The following CAPN2 variants were observed in gnomAD, a reference collection of about 807,000 sequenced individuals.
CAPN2 encodes the protein calpain 2.
CAPN2 carries 92 observed loss-of-function variants against 102.3 expected under a neutral mutation model. The observed-to-expected ratio is 0.90, with a 90% CI of 0.76 to 1.07. The LOEUF is 1.07. Among genes scored for constraint, CAPN2 ranks in the 50% least tolerant of loss-of-function variants. CAPN2 has a pLI of 0.00. For missense variants in CAPN2, 800 were observed against 909.4 expected (o/e 0.88, Z 1.55); for synonymous variants, 340 against 355.4 (o/e 0.96, Z 0.49).
rs1153962 is a variant in CAPN2 at position 223,754,516 on chromosome 1, C to T, written c.1136-964C>T. Among the ~76,000 whole-genome samples, 3,139 of 152,332 alleles carry T rather than the reference C, an allele frequency of 0.021. 110 individuals carry two copies. Among genetic ancestry groups the T allele is most frequent in the African/African-American group, 0.072 (2,980 of 41,560 alleles). ...TGGCCGTGGCTACGTTCCAATAAAACGTTATTTACAAAAACAGGCAGCGGC... is the reference window on the plus strand; with the variant it reads ...TGGCCGTGGCTACGTTCCAATAAAATGTTATTTACAAAAACAGGCAGCGGC... On this transcript the variant is annotated intron_variant, in intron 9 of 20. Coordinates refer to ENST00000295006, the MANE Select transcript of CAPN2 (RefSeq NM_001748.5). The surrounding 1 kb of genome is among the most constrained non-coding windows in gnomAD (Gnocchi z 4.7).
chr1:223,741,420 T>G (rs1382495097), intron 2 of CAPN2, among the ~76,000 whole-genome samples: 2 of 104,240 alleles, frequency 1.9e-5, no homozygotes, highest in Non-Finnish European at 3.3e-5. Context: ...GGCTGTAAAA[T>G]GTATATATAT....
Position 223,766,434 on chromosome 1 carries a change from A to G in CAPN2, c.1755+3A>G, listed in dbSNP as rs1383955234. 1 of 1,606,702 alleles carries G rather than the reference A, an allele frequency of 6.2e-7. No homozygotes were observed. Among genetic ancestry groups the G allele is most frequent in the Non-Finnish European group, 8.5e-7 (1 of 1,173,290 alleles). On this transcript the variant is annotated splice_donor_region_variant and intron_variant, in intron 16 of 20. Coordinates refer to ENST00000295006, the MANE Select transcript of CAPN2 (RefSeq NM_001748.5). ...AAATTATGGTTGACATGCTAGATGT[A>G]TCCTTTAATGTGCTCCAGGGAATAG...
At chr1:223,712,970 CG>C in intron 1 of CAPN2, 93 bp downstream of exon 1, 1 of 946,632 alleles carries the variant, frequency 1.1e-6, no homozygotes, top group African/African-American at 1.7e-5. Context: ...GGGGGCAGCC[CG>C]GGTGCTGCAG....
In CAPN2 at chr1:223,755,334, C is replaced by A; in HGVS notation, c.1136-146C>A. On this transcript the variant is annotated intron_variant, in intron 9 of 20. Transcript: ENST00000295006. The surrounding 1 kb of genome is among the most constrained non-coding windows in gnomAD (Gnocchi z 4.1). ...CTCTGCCATCTCCCACCATCCCCCA[C>A]CACCTCTTACCATCTCCCACCACCT... 1 of 717,022 alleles carries A rather than the reference C, an allele frequency of 1.4e-6. No homozygotes were observed. The allele number at this position is 717,022 out of a possible 1,614,324, so 44.4% of individuals were successfully genotyped here.
intron 12 of CAPN2, among the ~76,000 whole-genome samples, chr1:223,761,057 T>C (rs1153956): frequency 0.32 from 49,306 of 152,110 alleles, 11,379 homozygotes; most frequent in African/African-American, 0.66. Context: ...CACAGGCCTC[T>C]GCACTGCCCA....
intron 2 of CAPN2, among the ~76,000 whole-genome samples, chr1:223,719,263 G>T (rs542224200): frequency 2.0e-5 from 3 of 152,146 alleles, no homozygotes; most frequent in African/African-American, 7.2e-5. Context: ...AACAGCCGGC[G>T]CAGTGGCTCA....
chr1:223,732,411 AG>A (rs1660359941), intron 2 of CAPN2, among the ~76,000 whole-genome samples: 1 of 152,218 alleles, frequency 6.6e-6, no homozygotes. Context: ...ATGCTAAACA[AG>A]GGGTGGATTA....
intron 2 of CAPN2, among the ~76,000 whole-genome samples, chr1:223,742,360 C>A (rs560718022): frequency 3.9e-5 from 6 of 151,962 alleles, no homozygotes; most frequent in African/African-American, 1.4e-4. Context: ...CCATTGCACT[C>A]CAGCCTGGGT....
rs993373310 is a variant in CAPN2, at chr1:223,754,800, C to T, written c.1136-680C>T. Among the ~76,000 whole-genome samples the T allele has an allele frequency of 3.3e-5, 5 of 152,130 alleles. No individual in the cohort carries two copies. Among genetic ancestry groups the T allele is most frequent in the African/African-American group, 1.2e-4 (5 of 41,424 alleles). On this transcript the variant is annotated intron_variant, in intron 9 of 20. Transcript: ENST00000295006. This position sits in a 1 kb window ranked among gnomAD's most constrained non-coding sequence, Gnocchi z 4.7. ...TTATACACAGGATGTTCTTGGCCTC[C>T]GGGCTCACCGAGGGGGCGGCGACCG...
chr1:223,769,436 T>C (rs28370164), intron 16 of CAPN2, among the ~76,000 whole-genome samples: 8,287 of 152,174 alleles, frequency 0.054, 278 homozygotes, highest in East Asian at 0.079. Flanking sequence ...TGTGAAGTTT[T>C]ATCTAGTGGA....
chr1:223,753,127 C>G (rs1037598788), intron 9 of CAPN2, among the ~76,000 whole-genome samples, 171 bp downstream of exon 9: 1 of 147,680 alleles, frequency 6.8e-6, no homozygotes, highest in Admixed American at 6.7e-5. Flanking sequence ...TTTCCCTGAG[C>G]CTTTTCTCCC....
Position 223,726,339 on chromosome 1 carries a change from C to G in CAPN2, c.307+8508C>G, listed in dbSNP as rs1207583080. On this transcript the variant is annotated intron_variant, in intron 2 of 20. Transcript: ENST00000295006. This position sits in a 1 kb window ranked among gnomAD's most constrained non-coding sequence, Gnocchi z 4.4. The stretch of plus-strand genomic sequence containing the variant: ...TTGCCTGCGCCTGGGGGGAGGGCAG[C>G]CATCAGGAAGGAGCAGCCACCTCTG... 6.6e-6 allele frequency among the ~76,000 whole-genome samples: 1 copy of G among 152,088 alleles called. No homozygotes were observed. Among genetic ancestry groups the G allele is most frequent in the Non-Finnish European group, 1.5e-5 (1 of 68,012 alleles).
chr1:223,722,281 C>CTTTTTT (rs34894876), intron 2 of CAPN2, among the ~76,000 whole-genome samples: 99 of 85,450 alleles, frequency 1.2e-3, no homozygotes, highest in Non-Finnish European at 1.3e-3. Flanking sequence ...TTCTTTCTTT[C>CTTTTTT]TTTTTTTTTT....
Position 223,759,546 on chromosome 1 carries a change from G to C in CAPN2, c.1529+65G>C. 1 of 1,357,086 alleles carries C rather than the reference G, an allele frequency of 7.4e-7. No individual in the cohort carries two copies. Among genetic ancestry groups the C allele is most frequent in the Non-Finnish European group, 1.0e-6 (1 of 961,874 alleles). The allele number at this position is 1,357,086 out of a possible 1,614,324, so 84.1% of individuals were successfully genotyped here. A position where few individuals can be genotyped will look rare whatever the true frequency, so the allele number is the denominator to read the frequency against. ...TCCCTCCCCACTGGTCTGTTCCTCGGCCCCTAGAGGGCTCTTTCATCCTCT... is the reference window on the plus strand; with the variant it reads ...TCCCTCCCCACTGGTCTGTTCCTCGCCCCCTAGAGGGCTCTTTCATCCTCT... On this transcript the variant is annotated intron_variant, in intron 12 of 20. Transcript: ENST00000295006. This position sits in a 1 kb window ranked among gnomAD's most constrained non-coding sequence, Gnocchi z 4.6.
chr1:223,705,074 C>T (rs918043058), intron 1 of CAPN2, among the ~76,000 whole-genome samples: 3 of 152,214 alleles, frequency 2.0e-5, no homozygotes, highest in African/African-American at 4.8e-5. Context: ...GCTTCCTGCC[C>T]CTCGGCCAAC....
intron 15 of CAPN2, among the ~76,000 whole-genome samples, chr1:223,764,803 G>A (rs1014238354): frequency 6.6e-6 from 1 of 152,196 alleles, no homozygotes; most frequent in African/African-American, 2.4e-5. Context: ...GGCCAGGCTG[G>A]TCTTGAACCC....
At position 223,775,018 on chromosome 1, in the gene CAPN2, C is replaced by CAGA. The variant is rs1661578101; in HGVS notation, c.*164_*166dup. On this transcript the variant is annotated 3_prime_UTR_variant, in exon 21 of 21. Coordinates refer to ENST00000295006, the MANE Select transcript of CAPN2 (RefSeq NM_001748.5). Reference sequence around the variant, plus strand: ...TAATGATACTGTCAATTTGAGATAGCAGAAGTTTCACACATCAAAGTAAAA... The same window carrying CAGA: ...TAATGATACTGTCAATTTGAGATAGCAGAAGAAGTTTCACACATCAAAGTAAAA... 1 of 656,092 alleles carries CAGA rather than the reference C, an allele frequency of 1.5e-6. No homozygotes were observed. The highest frequency in any genetic ancestry group is 2.8e-5 in the Admixed American group (1 of 35,518). 40.6% of individuals were successfully genotyped at this position (656,092 alleles called of 1,614,324 possible).
chr1:223,766,274 G>A (rs1055369723), intron 15 of CAPN2, 93 bp from the exon 16 acceptor site: 3 of 922,006 alleles, frequency 3.3e-6, no homozygotes, highest in African/African-American at 3.2e-5. Context: ...GTATGTGAAG[G>A]GCACAGATAA....
chr1:223,761,788 G>T, intron 13 of CAPN2, 171 bp downstream of exon 13: 2 of 599,158 alleles, frequency 3.3e-6, no homozygotes. Context: ...TGGCCTCTGT[G>T]CTGGGGGCAT....
Sources: gnomAD v4.1 joint callset for allele counts (sites outside exome capture counted in the v4.1 genomes callset) on GRCh38, gnomAD v4.1.1 for gene constraint, Gnocchi (gnomAD v3.1) non-coding constraint, MANE v1.5 for transcripts, NCBI Gene and HGNC (gene_info 2026-07-23, HGNC 2026-07-21) for gene names.